The following FAM227B variants were observed in gnomAD, a reference collection of about 807,000 sequenced individuals.
The protein encoded by FAM227B is family with sequence similarity 227 member B, also known as protein FAM227B.
Under a neutral mutation model 73.8 loss-of-function variants are expected in FAM227B, and 88 were observed. The observed-to-expected ratio is 1.19, with a 90% CI of 1.00 to 1.42. The LOEUF is 1.42. FAM227B is among the 40% of genes most tolerant of loss of function. The probability of loss-of-function intolerance (pLI) is 0.00; values close to 1 mark genes in which losing one functional copy is unlikely to be tolerated. For synonymous variants in FAM227B, 210 were observed against 190.5 expected (o/e 1.10, Z -0.84); for missense variants, 632 against 590.9 (o/e 1.07, Z -0.72).
intron 11 of FAM227B, among the ~76,000 whole-genome samples, chr15:49,503,240 G>C (rs147081350): frequency 0.059 from 8,976 of 152,166 alleles, 349 homozygotes; most frequent in East Asian, 0.13. Flanking sequence ...AGCTGAAACT[G>C]GATCCCTTCC....
chr15:49,329,066 C>T (rs1048198698), intron 15 of FAM227B: 19 of 996,734 alleles, frequency 1.9e-5, no homozygotes, highest in Non-Finnish European at 2.3e-5. Flanking sequence ...CCAAGAGGCA[C>T]TTCCAAGAAA....
At chr15:49,517,401 G>A (rs2059447761) in intron 10 of FAM227B, among the ~76,000 whole-genome samples, 1 of 151,944 alleles carries the variant, frequency 6.6e-6, no homozygotes, top group Non-Finnish European at 1.5e-5. Context: ...CCTCAACAAA[G>A]AAATAAAAAT....
chr15:49,549,773 C>T (rs1199007583), intron 9 of FAM227B, among the ~76,000 whole-genome samples: 6 of 152,334 alleles, frequency 3.9e-5, no homozygotes, highest in Middle Eastern at 3.4e-3. Context: ...CCCACCTTTC[C>T]CCACTTTCTA....
chr15:49,349,516 CTATTACA>C (rs2041959793), intron 13 of FAM227B, among the ~76,000 whole-genome samples: 1 of 152,074 alleles, frequency 6.6e-6, no homozygotes, highest in Admixed American at 6.6e-5. Flanking sequence ...TGCTTATTCT[CTATTACA>C]TAAGTTTTAA....
intron 11 of FAM227B, among the ~76,000 whole-genome samples, chr15:49,477,882 G>A (rs2055500036): frequency 6.6e-6 from 1 of 152,194 alleles, no homozygotes; most frequent in Non-Finnish European, 1.5e-5. Context: ...TAGTTGTACA[G>A]AGGTATCTCA....
At chr15:49,346,529 A>G (rs1312524505) in intron 13 of FAM227B, among the ~76,000 whole-genome samples, 6 of 152,130 alleles carry the variant, frequency 3.9e-5, no homozygotes, top group Admixed American at 2.6e-4. Flanking sequence ...TTGCCAATAA[A>G]TCTTTTCTCT....
chr15:49,365,423 G>T (rs953708923), intron 13 of FAM227B: 3 of 966,780 alleles, frequency 3.1e-6, no homozygotes, highest in Non-Finnish European at 5.1e-6. Context: ...TCTACAGTAC[G>T]CAAGCAACAG....
chr15:49,371,752 TATAA>T (rs1170951719), intron 11 of FAM227B, among the ~76,000 whole-genome samples: 4 of 148,020 alleles, frequency 2.7e-5, no homozygotes, highest in East Asian at 2.0e-4. Context: ...AAAATTCACT[TATAA>T]ATAAATGAAA....
intron 13 of FAM227B, among the ~76,000 whole-genome samples, chr15:49,362,224 G>A (rs1392052402): frequency 6.6e-6 from 1 of 152,056 alleles, no homozygotes; most frequent in African/African-American, 2.4e-5. Context: ...TTGGATCATG[G>A]GAGTGGATTT....
intron 11 of FAM227B, among the ~76,000 whole-genome samples, chr15:49,442,709 T>C (rs2051785966): frequency 6.6e-6 from 1 of 151,736 alleles, no homozygotes; most frequent in Admixed American, 6.6e-5. Context: ...TCTACTAGCA[T>C]GGTTATTTAA....
At chr15:49,466,066 C>T (rs1040363459) in intron 11 of FAM227B, among the ~76,000 whole-genome samples, 8 of 152,114 alleles carry the variant, frequency 5.3e-5, no homozygotes, top group African/African-American at 9.7e-5. Flanking sequence ...ATTAATAGTA[C>T]AGCAGTATGT....
chr15:49,481,290 C>T lies in FAM227B; in HGVS notation c.1012+26921G>A, dbSNP rs182279117. On this transcript the variant is annotated intron_variant, in intron 11 of 15. Coordinates refer to ENST00000299338, the MANE Select transcript of FAM227B (RefSeq NM_152647.3). ...CACCAACCTAACTGATACATTTATT[C>T]CATTTTGGAGGTATTGCAAATATGT... Among the ~76,000 whole-genome samples, 611 of 152,298 alleles carry T rather than the reference C, an allele frequency of 4.0e-3. 3 individuals are homozygous for T. The highest frequency in any genetic ancestry group is 0.014 in the Middle Eastern group (4 of 294).
intron 1 of FAM227B, 127 bp from the exon 2 acceptor site, chr15:49,615,370 A>C: frequency 3.4e-6 from 2 of 588,524 alleles, no homozygotes; most frequent in Non-Finnish European, 6.2e-6. Context: ...TCTCCACTCA[A>C]ATCTCATGTT....
intron 10 of FAM227B, among the ~76,000 whole-genome samples, chr15:49,539,696 G>A (rs1026081550): frequency 1.3e-5 from 2 of 152,192 alleles, no homozygotes; most frequent in African/African-American, 4.8e-5. Context: ...TAGGATCTGG[G>A]GTCCAGAGCA....
At chr15:49,548,734 G>A (rs192792149) in intron 9 of FAM227B, among the ~76,000 whole-genome samples, 1 of 152,058 alleles carries the variant, frequency 6.6e-6, no homozygotes, top group African/African-American at 2.4e-5. Flanking sequence ...ATTTGTTCCT[G>A]GTTCAATCTT....
chr15:49,526,043 C>T (rs993310836), intron 10 of FAM227B, among the ~76,000 whole-genome samples: 1 of 151,894 alleles, frequency 6.6e-6, no homozygotes, highest in Admixed American at 6.6e-5. Context: ...GGACTCTAGA[C>T]CAAACGAACC....
At chr15:49,492,235 C>A (rs573699847) in intron 11 of FAM227B, among the ~76,000 whole-genome samples, 5 of 151,952 alleles carry the variant, frequency 3.3e-5, no homozygotes, top group African/African-American at 1.2e-4. Context: ...TGATGCTAGT[C>A]CTGTATACAA....
At chr15:49,416,798 C>T (rs1235669696) in intron 11 of FAM227B, among the ~76,000 whole-genome samples, 1 of 146,816 alleles carries the variant, frequency 6.8e-6, no homozygotes, top group Non-Finnish European at 1.5e-5. Flanking sequence ...CACACACACA[C>T]AAACACACAA....
intron 14 of FAM227B, chr15:49,334,443 G>A (rs1026870392): frequency 1.3e-5 from 2 of 154,766 alleles, no homozygotes; most frequent in Non-Finnish European, 2.8e-5. Context: ...TTAGTGTAAA[G>A]AACCCCTCAG....
Sources: allele counts gnomAD v4.1 joint callset (sites outside exome capture counted in the v4.1 genomes callset), GRCh38; gene constraint gnomAD v4.1.1; transcripts MANE v1.5; gene names NCBI Gene and HGNC (gene_info 2026-07-23, HGNC 2026-07-21).